RGL1: variants seen among roughly 807,000 people sequenced by gnomAD.
RGL1 encodes the protein ral guanine nucleotide dissociation stimulator like 1, also known as ral guanine nucleotide dissociation stimulator-like 1.
In RGL1, 24 loss-of-function variants were observed where a neutral mutation model predicts 95.2. That is an observed-to-expected ratio of 0.25 (90% confidence interval 0.18 to 0.35). The LOEUF is 0.35. RGL1 is among the 10% of genes least tolerant of loss of function. The pLI, the probability that RGL1 is intolerant of heterozygous loss-of-function variation, is 1.00. For synonymous variants in RGL1, 329 were observed against 344.9 expected, an observed-to-expected ratio of 0.95 and a Z score of 0.51; for missense variants, 715 against 936.3, an observed-to-expected ratio of 0.76 and a Z score of 3.08.
intron 4 of RGL1, among the ~76,000 whole-genome samples, chr1:183,870,945 T>C (rs1346105145): frequency 6.6e-6 from 1 of 152,212 alleles, no homozygotes; most frequent in Non-Finnish European, 1.5e-5. Flanking sequence ...TCTCTATCAC[T>C]CTGTCACTTA....
chr1:183,678,042 A>G (rs528828297), intron 1 of RGL1, among the ~76,000 whole-genome samples: 3 of 152,360 alleles, frequency 2.0e-5, no homozygotes, highest in Admixed American at 6.5e-5. Context: ...AATATCAATT[A>G]TTTCCATAAA....
chr1:183,900,939 T>C (rs7527758), intron 11 of RGL1, among the ~76,000 whole-genome samples: 83,911 of 151,000 alleles, frequency 0.56, 23,402 homozygotes, highest in African/African-American at 0.61. Context: ...TCAAGGCAGG[T>C]GAATCACCTG....
intron 1 of RGL1, among the ~76,000 whole-genome samples, chr1:183,645,323 A>T (rs1650209536): frequency 6.6e-6 from 1 of 152,226 alleles, no homozygotes; most frequent in Non-Finnish European, 1.5e-5. Flanking sequence ...TTCTCCCTGT[A>T]CTTACTAAGT....
chr1:183,918,411 T>C (rs1049444585), intron 16 of RGL1, among the ~76,000 whole-genome samples: 1 of 152,192 alleles, frequency 6.6e-6, no homozygotes, highest in African/African-American at 2.4e-5. Context: ...CTGCTCAGCA[T>C]GGTCTGTTCA....
intron 3 of RGL1, among the ~76,000 whole-genome samples, chr1:183,855,157 G>A (rs554939051): frequency 2.0e-5 from 3 of 152,250 alleles, no homozygotes; most frequent in African/African-American, 7.2e-5. Flanking sequence ...TGTTTTGGAA[G>A]GTCCAGCAGT....
At chr1:183,764,875 T>G (rs954116621) in intron 2 of RGL1, among the ~76,000 whole-genome samples, 10 of 152,230 alleles carry the variant, frequency 6.6e-5, no homozygotes, top group Non-Finnish European at 1.5e-4. Flanking sequence ...CCCACTATAC[T>G]TGGCCTGATT....
At chr1:183,650,784 G>T (rs1169131992) in intron 1 of RGL1, among the ~76,000 whole-genome samples, 1 of 150,554 alleles carries the variant, frequency 6.6e-6, no homozygotes, top group African/African-American at 2.4e-5. Context: ...TTCCTAGGAA[G>T]GTGTACCAAT....
intron 1 of RGL1, among the ~76,000 whole-genome samples, chr1:183,645,464 A>G (rs1650220845): frequency 1.3e-5 from 2 of 152,198 alleles, no homozygotes; most frequent in South Asian, 4.1e-4. Flanking sequence ...AGATCATCAT[A>G]TTACTAGCTA....
At chr1:183,794,725 A>C (rs1478367014) in intron 2 of RGL1, among the ~76,000 whole-genome samples, 2 of 152,060 alleles carry the variant, frequency 1.3e-5, no homozygotes, top group African/African-American at 2.4e-5. Context: ...CATTTGGAAG[A>C]CTCCTCTTTC....
chr1:183,768,672 A>C (rs1659118664), intron 2 of RGL1, among the ~76,000 whole-genome samples: 1 of 151,972 alleles, frequency 6.6e-6, no homozygotes, highest in Admixed American at 6.6e-5. Context: ...AGGTCTTACT[A>C]TGGTGCCCAG....
intron 2 of RGL1, among the ~76,000 whole-genome samples, chr1:183,760,201 TG>T (rs1488450976): frequency 2.0e-5 from 3 of 152,210 alleles, no homozygotes; most frequent in African/African-American, 7.2e-5. Context: ...AAAATGCTAA[TG>T]ATCATTTGAG....
chr1:183,890,308 C>T (rs1326391559), intron 8 of RGL1, among the ~76,000 whole-genome samples: 1 of 152,086 alleles, frequency 6.6e-6, no homozygotes, highest in Non-Finnish European at 1.5e-5. Context: ...GAGACTAAAA[C>T]ATGAGCAAAA....
At chr1:183,723,514 A>G (rs1364122967) in intron 1 of RGL1, among the ~76,000 whole-genome samples, 1 of 152,222 alleles carries the variant, frequency 6.6e-6, no homozygotes, top group East Asian at 1.9e-4. Flanking sequence ...GAGGGAGAGT[A>G]CAGTGACTGT....
At chr1:183,792,479 C>A (rs897963353) in intron 2 of RGL1, among the ~76,000 whole-genome samples, 1 of 151,988 alleles carries the variant, frequency 6.6e-6, no homozygotes, top group Non-Finnish European at 1.5e-5. Flanking sequence ...CCAGAACAAT[C>A]AGGCAAAAGA....
intron 1 of RGL1, among the ~76,000 whole-genome samples, chr1:183,640,849 G>GAGTACTGGGCTC (rs563618348): frequency 1.2e-3 from 189 of 152,182 alleles, no homozygotes; most frequent in African/African-American, 4.5e-3. Context: ...CTTCTGCTTT[G>GAGTACTGGGCTC]TTCCTATTTC....
chr1:183,713,065 G>A (rs775300060), intron 1 of RGL1, among the ~76,000 whole-genome samples: 9 of 151,932 alleles, frequency 5.9e-5, no homozygotes, highest in African/African-American at 1.5e-4. Flanking sequence ...TCCCTCTCTC[G>A]CCCAGGCTGG....
intron 3 of RGL1, among the ~76,000 whole-genome samples, chr1:183,851,316 A>G (rs1363832591): frequency 2.0e-5 from 3 of 152,160 alleles, no homozygotes; most frequent in Admixed American, 1.3e-4. Context: ...GCAAGACACC[A>G]TGCAGATGGA....
At chr1:183,897,961 C>T (rs934186273) in intron 10 of RGL1, 64 bp downstream of exon 10, 4 of 1,370,824 alleles carry the variant, frequency 2.9e-6, no homozygotes, top group African/African-American at 2.9e-5. Context: ...CGTCTGGGCT[C>T]CCACATGGCA....
chr1:183,874,887 A>C (rs745661744), intron 4 of RGL1, among the ~76,000 whole-genome samples: 5 of 152,162 alleles, frequency 3.3e-5, no homozygotes, highest in Non-Finnish European at 5.9e-5. Flanking sequence ...CTGTTCTATG[A>C]TTAGGAGAAC....
Sources: gnomAD v4.1 joint callset for allele counts (sites outside exome capture counted in the v4.1 genomes callset) on GRCh38, gnomAD v4.1.1 for gene constraint, MANE v1.5 for transcripts, NCBI Gene and HGNC (gene_info 2026-07-23, HGNC 2026-07-21) for gene names.